Variants in RDH14 observed in about 807,000 individuals in gnomAD.
RDH14 encodes the protein alcohol dehydrogenase PAN2.
RDH14 carries 17 observed loss-of-function variants against 19.3 expected under a neutral mutation model. The ratio of observed to expected loss-of-function variants is 0.88; its 90% CI spans 0.60 to 1.32. The LOEUF (loss-of-function observed/expected upper bound fraction) is 1.32. Among genes scored for constraint, RDH14 ranks in the 40% most tolerant of loss-of-function variants. The pLI is 0.00. For missense variants in RDH14, 534 were observed against 449.2 expected (o/e 1.19, Z -1.71); for synonymous variants, 215 against 188.9 (o/e 1.14, Z -1.13).
chr2:18,554,793 A>G lies in RDH14; in HGVS notation c.*398T>C, dbSNP rs1436182651. ...CACACACCAGGCAGATAATTTCCAC[A>G]CAAACACCAAACATTGTAGTAAAAC... is the stretch of plus-strand genomic sequence containing the variant. On this transcript the variant is annotated 3_prime_UTR_variant, in exon 2 of 2. Coordinates refer to ENST00000381249, the MANE Select transcript of RDH14 (RefSeq NM_020905.4). 3 of 182,158 alleles carry G rather than the reference A, an allele frequency of 1.6e-5. No individual in the cohort carries two copies. Among genetic ancestry groups the G allele is most frequent in the African/African-American group, 2.4e-5 (1 of 41,862 alleles). 11.3% of individuals were successfully genotyped at this position (182,158 alleles called of 1,614,324 possible). A position where few individuals can be genotyped will look rare whatever the true frequency, so the allele number is the denominator to read the frequency against.
intron 1 of RDH14, among the ~76,000 whole-genome samples, chr2:18,556,343 A>G (rs1164785717): frequency 6.6e-6 from 1 of 152,198 alleles, no homozygotes; most frequent in African/African-American, 2.4e-5. Flanking sequence ...GAAAATATCA[A>G]TTTGGGAGTT....
intron 1 of RDH14, among the ~76,000 whole-genome samples, chr2:18,558,002 C>T (rs1440111838): frequency 6.6e-6 from 1 of 152,198 alleles, no homozygotes. Context: ...TTTAAATTTT[C>T]GAGGGAAACA....
In RDH14 at chr2:18,555,425, G is replaced by GTGTA; in HGVS notation, c.773_776dup (p.Ile260ThrfsTer36). ...AGAGTGGTTTGACCAACAGTGGAAT[G>GTGTA]TGTATGTGCCTCCCCAGATTTGTCC... On this transcript the variant is annotated frameshift_variant, in exon 2 of 2. Coordinates refer to ENST00000381249, the MANE Select transcript of RDH14 (RefSeq NM_020905.4). LOFTEE classifies it high-confidence loss of function. 6.2e-7 allele frequency: 1 copy of GTGTA among 1,614,134 alleles called. No individual in the cohort carries two copies. The highest frequency in any genetic ancestry group is 1.1e-5 in the South Asian group (1 of 91,070).
At chr2:18,557,649 T>G (rs767374981) in intron 1 of RDH14, among the ~76,000 whole-genome samples, 1 of 152,218 alleles carries the variant, frequency 6.6e-6, no homozygotes, top group Admixed American at 6.5e-5. Flanking sequence ...ATTTCCATTT[T>G]TTTTTCCTTC....
chr2:18,559,831 T>C (rs1432907069), intron 1 of RDH14, among the ~76,000 whole-genome samples: 1 of 152,118 alleles, frequency 6.6e-6, no homozygotes, highest in Non-Finnish European at 1.5e-5. Context: ...AATTCACTTC[T>C]GACACAGGAA....
At chr2:18,556,392 T>C (rs1213553822) in intron 1 of RDH14, among the ~76,000 whole-genome samples, 1 of 152,204 alleles carries the variant, frequency 6.6e-6, no homozygotes, top group Admixed American at 6.5e-5. Context: ...ATTATAAGTG[T>C]ACCTATGATA....
rs768995407 is a variant in RDH14 at position 18,560,460 on chromosome 2, G to A, written c.113C>T (p.Pro38Leu). ...RVQRLRRGGD[P>L]GLMHGKTVLI... The stretch of plus-strand genomic sequence containing the variant: ...CACAGTCTTCCCGTGCATGAGGCCG[G>A]GGTCCCCGCCTCTGCGCAGCCGCTG... Residue 38 changes from proline to leucine, a missense_variant, in exon 1 of 2, where the codon CCC becomes CTC. Physicochemically the swap from Pro to Leu is moderately conservative, Grantham distance 98. Transcript: ENST00000381249. 9 of 1,514,070 alleles carry A rather than the reference G, an allele frequency of 5.9e-6. No homozygotes were observed. In the South Asian group the frequency reaches 6.1e-5, roughly 10 times the overall value. The allele number at this position is 1,514,070 out of a possible 1,614,324, so 93.8% of individuals were successfully genotyped here. A position where few individuals can be genotyped will look rare whatever the true frequency, so the allele number is the denominator to read the frequency against.
chr2:18,559,078 T>C (rs1664004410), intron 1 of RDH14, among the ~76,000 whole-genome samples: 1 of 152,332 alleles, frequency 6.6e-6, no homozygotes, highest in East Asian at 1.9e-4. Flanking sequence ...ATTTCTGGCC[T>C]AAGGGCATCA....
chr2:18,556,918 A>G (rs1160310688), intron 1 of RDH14, among the ~76,000 whole-genome samples: 1 of 152,220 alleles, frequency 6.6e-6, no homozygotes, highest in Non-Finnish European at 1.5e-5. Flanking sequence ...AAGCAATAGA[A>G]AAGGTCAGAA....
At chr2:18,560,129 C>T (rs1452275565) in intron 1 of RDH14, 51 bp downstream of exon 1, 2 of 1,503,156 alleles carry the variant, frequency 1.3e-6, no homozygotes, top group Non-Finnish European at 1.8e-6. Context: ...CAGTCCCCTC[C>T]CACACCGTGC....
At chr2:18,555,969 T>G (rs1160083276) in intron 1 of RDH14, among the ~76,000 whole-genome samples, 161 bp from the exon 2 acceptor site, 1 of 152,236 alleles carries the variant, frequency 6.6e-6, no homozygotes, top group Non-Finnish European at 1.5e-5. Flanking sequence ...CTTGAAACAC[T>G]GGCAATTTTG....
rs144514898 is a variant in RDH14 at position 18,557,087 on chromosome 2, C to T, written c.394-1279G>A. Among the ~76,000 whole-genome samples, 21 of 152,232 alleles carry T rather than the reference C, an allele frequency of 1.4e-4. No homozygotes were observed. The East Asian group carries it at 4.1e-3, about 29-fold the overall frequency. ...CAACATTTTATACTCTGAACTTATG[C>T]TTCTGTATCTTTCCAAATTAAAGTC... On this transcript the variant is annotated intron_variant, in intron 1 of 1. Coordinates refer to ENST00000381249, the MANE Select transcript of RDH14 (RefSeq NM_020905.4).
chr2:18,559,618 T>C (rs1664028035), intron 1 of RDH14, among the ~76,000 whole-genome samples: 1 of 152,118 alleles, frequency 6.6e-6, no homozygotes, highest in Admixed American at 6.5e-5. Context: ...GACCACTGGG[T>C]TCCAAAATGT....
rs1450425694 is a variant in RDH14 at position 18,560,540 on chromosome 2, G to A, written c.33C>T (p.Ala11=). 7 of 1,505,294 alleles carry A rather than the reference G, an allele frequency of 4.7e-6. No homozygotes were observed. Among genetic ancestry groups the A allele is most frequent in the Non-Finnish European group, 6.2e-6 (7 of 1,135,338 alleles). 93.2% of individuals were successfully genotyped at this position (1,505,294 alleles called of 1,614,324 possible). The change falls in exon 1 of 2, where the codon GCC becomes GCT. Residue 11 remains alanine, a synonymous_variant. Coordinates refer to ENST00000381249, the MANE Select transcript of RDH14 (RefSeq NM_020905.4). MAVATAAAVL[A]ALGGALWLAA... ...CCAGCCACAGCGCCCCGCCCAGAGC[G>A]GCCAGTACTGCCGCCGCAGTGGCCA...
intron 1 of RDH14, among the ~76,000 whole-genome samples, chr2:18,556,451 T>C (rs1663922274): frequency 6.6e-6 from 1 of 152,212 alleles, no homozygotes; most frequent in South Asian, 2.1e-4. Flanking sequence ...CCCAAAATGC[T>C]TCTATGAGCT....
At chr2:18,560,119 C>T in intron 1 of RDH14, 61 bp downstream of exon 1, 1 of 1,483,866 alleles carries the variant, frequency 6.7e-7, no homozygotes. Context: ...CCCCAGCCCG[C>T]AGTCCCCTCC....
Position 18,555,058 on chromosome 2 carries a change from C to T in RDH14, c.*133G>A, listed in dbSNP as rs890771581. ...TTTTTCAGTAACTCCAAAATACCCA[C>T]ATGTACCTCTTAGCAGGCTATTCCA... On this transcript the variant is annotated 3_prime_UTR_variant, in exon 2 of 2. Coordinates refer to ENST00000381249, the MANE Select transcript of RDH14 (RefSeq NM_020905.4). The T allele has an allele frequency of 6.7e-5, 93 of 1,396,426 alleles. 1 individual carries two copies. Among genetic ancestry groups the T allele is most frequent in the Admixed American group, 4.8e-4 (20 of 41,614 alleles). The allele number at this position is 1,396,426 out of a possible 1,614,324, so 86.5% of individuals were successfully genotyped here.
intron 1 of RDH14, among the ~76,000 whole-genome samples, chr2:18,558,956 AG>A (rs2148054922): frequency 6.6e-6 from 1 of 152,312 alleles, no homozygotes; most frequent in African/African-American, 2.4e-5. Context: ...TATAAAACCA[AG>A]CTGTGCCCCG....
chr2:18,559,273 G>A (rs985783189), intron 1 of RDH14, among the ~76,000 whole-genome samples: 1 of 152,188 alleles, frequency 6.6e-6, no homozygotes, highest in Non-Finnish European at 1.5e-5. Flanking sequence ...ATCCACTTAT[G>A]TGGAATTACT....
Sources: gnomAD v4.1 joint callset for allele counts (sites outside exome capture counted in the v4.1 genomes callset) on GRCh38, gnomAD v4.1.1 for gene constraint, MANE v1.5 for transcripts, NCBI Gene and HGNC (gene_info 2026-07-23, HGNC 2026-07-21) for gene names.